Variants in MMD2 observed in about 807,000 individuals in gnomAD.
MMD2 encodes the protein monocyte to macrophage differentiation factor 2.
Under a neutral mutation model 33.5 loss-of-function variants are expected in MMD2, and 30 were observed. That is an observed-to-expected ratio of 0.90 (90% CI 0.67 to 1.22). The LOEUF is 1.22. Ranked by LOEUF, MMD2 falls within the 50% of genes most tolerant of loss-of-function variation. The pLI is 0.00. For synonymous variants in MMD2, 129 were observed against 123.0 expected, an observed-to-expected ratio of 1.05 and a Z score of -0.32; for missense variants, 364 against 325.4, an observed-to-expected ratio of 1.12 and a Z score of -0.91.
intron 1 of MMD2, among the ~76,000 whole-genome samples, chr7:4,928,813 C>T (rs79388569): frequency 2.4e-4 from 37 of 151,704 alleles, no homozygotes; most frequent in African/African-American, 8.0e-4. Context: ...GTGTTGGCTC[C>T]GTGCTAAGTA....
chr7:4,952,612 T>A (rs1180570920), intron 1 of MMD2, among the ~76,000 whole-genome samples: 1 of 152,044 alleles, frequency 6.6e-6, no homozygotes, highest in Non-Finnish European at 1.5e-5. Flanking sequence ...CTTTTTTTGT[T>A]TTTCAGATTC....
chr7:4,949,726 G>A (rs1786188486), intron 1 of MMD2, among the ~76,000 whole-genome samples: 1 of 151,956 alleles, frequency 6.6e-6, no homozygotes, highest in African/African-American at 2.4e-5. Context: ...TGGCCAGGAT[G>A]GTCTCGAACT....
intron 3 of MMD2, among the ~76,000 whole-genome samples, chr7:4,916,656 T>C (rs918933355): frequency 6.6e-6 from 1 of 152,134 alleles, no homozygotes; most frequent in Admixed American, 6.6e-5. Flanking sequence ...GTGCTGGGAT[T>C]ACAAGCGTGA....
chr7:4,934,078 C>T (rs535901388), intron 1 of MMD2, among the ~76,000 whole-genome samples: 14 of 152,118 alleles, frequency 9.2e-5, no homozygotes, highest in African/African-American at 2.9e-4. Context: ...TACAGGCATC[C>T]GCCACCACAC....
downstream of MMD2, among the ~76,000 whole-genome samples, chr7:4,904,862 G>T (rs1412319754): frequency 6.6e-6 from 1 of 152,206 alleles, no homozygotes; most frequent in Non-Finnish European, 1.5e-5. Flanking sequence ...GTAGCTGCAT[G>T]ATGAAGGATG....
intron 1 of MMD2, among the ~76,000 whole-genome samples, chr7:4,939,027 G>C (rs1016808425): frequency 6.6e-6 from 1 of 151,900 alleles, no homozygotes; most frequent in Non-Finnish European, 1.5e-5. Flanking sequence ...GGCCAACATG[G>C]TGAAACCCCA....
rs1241187273 is a variant in MMD2, at chr7:4,940,582, GC to G, written c.48-15051del. On this transcript the variant is annotated intron_variant, in intron 1 of 6. Coordinates refer to ENST00000401401, the MANE Select transcript of MMD2 (RefSeq NM_198403.4). The surrounding 1 kb of genome is among the most constrained non-coding windows in gnomAD (Gnocchi z 5.0). ...CTCTCCCCCTCTCCGCTTGGCCCTGGCCGCTTCTTTGTGTCCATTCATGAAT... is the reference window on the plus strand; with the variant it reads ...CTCTCCCCCTCTCCGCTTGGCCCTGGCGCTTCTTTGTGTCCATTCATGAAT... 6.6e-6 allele frequency among the ~76,000 whole-genome samples: 1 copy of G among 152,226 alleles called. No individual in the cohort carries two copies. The highest frequency in any genetic ancestry group is 2.4e-5 in the African/African-American group (1 of 41,458).
Position 4,907,883 on chromosome 7 carries a change from T to C in MMD2, c.538-284A>G, listed in dbSNP as rs147414796. ...GTGCAGTGGCACAAGCGTAGCTCAC[T>C]GTAGCCTCCAACTCCTGGGATGATC... is the stretch of plus-strand genomic sequence containing the variant. On this transcript the variant is annotated intron_variant, in intron 6 of 6. Coordinates refer to ENST00000401401, the MANE Select transcript of MMD2 (RefSeq NM_198403.4). 4.7e-3 allele frequency among the ~76,000 whole-genome samples: 709 copies of C among 152,308 alleles called. 9 individuals carry two copies. Among genetic ancestry groups the C allele is most frequent in the African/African-American group, 0.016 (672 of 41,572 alleles).
Position 4,915,887 on chromosome 7 carries a change from C to T in MMD2, c.365+118G>A, listed in dbSNP as rs1785129266. Reference sequence around the variant, plus strand: ...GGAAGGAAAAAAGGGTGGCGGGAAGCTTTTAACCTAACTCCTTTGTGCCAA... The same window carrying T: ...GGAAGGAAAAAAGGGTGGCGGGAAGTTTTTAACCTAACTCCTTTGTGCCAA... On this transcript the variant is annotated intron_variant, in intron 4 of 6. Transcript: ENST00000401401. 2.7e-5 allele frequency: 26 copies of T among 963,602 alleles called. No individual in the cohort carries two copies. In the South Asian group the frequency reaches 4.0e-4, roughly 15 times the overall value. The allele number at this position is 963,602 out of a possible 1,614,324, so 59.7% of individuals were successfully genotyped here.
In MMD2 at chr7:4,947,111, G is replaced by A. The variant is rs184269839; in HGVS notation, c.47+11860C>T. Reference sequence around the variant, plus strand: ...TAATCTCAGCTACTCCAGAGGCTGAGGCAGGAGAATCGCTTGAACTCGGGA... The same window carrying A: ...TAATCTCAGCTACTCCAGAGGCTGAAGCAGGAGAATCGCTTGAACTCGGGA... On this transcript the variant is annotated intron_variant, in intron 1 of 6. Transcript: ENST00000401401. Among the ~76,000 whole-genome samples the A allele has an allele frequency of 1.6e-3, 241 of 152,176 alleles. 1 individual carries two copies. The highest frequency in any genetic ancestry group is 5.4e-3 in the African/African-American group (225 of 41,540).
the MMD2 span, among the ~76,000 whole-genome samples, chr7:4,896,272 G>A: frequency 4.8e-3 from 727 of 152,236 alleles, 10 homozygotes; most frequent in African/African-American, 0.017. Flanking sequence ...CTGAGCTCAG[G>A]AGTTTGAGAC....
chr7:4,959,004 C>CG lies in MMD2; in HGVS notation c.13dup (p.Arg5ProfsTer30), dbSNP rs1261389981. ...TTTCGTCTTCTGGAAATCCAGCAGC[C>CG]GGGGGGCGAACATCGCGGCGCTTCC... On this transcript the variant is annotated frameshift_variant, in exon 1 of 7. Transcript: ENST00000401401. LOFTEE classifies it high-confidence loss of function. 24 of 1,273,878 alleles carry CG rather than the reference C, an allele frequency of 1.9e-5. 1 individual carries two copies. In the South Asian group the frequency reaches 2.1e-4, roughly 11 times the overall value. The allele number at this position is 1,273,878 out of a possible 1,614,324, so 78.9% of individuals were successfully genotyped here.
rs193113973 is a variant in MMD2, at chr7:4,928,928, G to T, written c.48-3396C>A. ...CCTTCTGTGTGCTGGCTCCACGCTA[G>T]TACAGACCTGGGGCATTGATTGAGC... On this transcript the variant is annotated intron_variant, in intron 1 of 6. Transcript: ENST00000401401. Among the ~76,000 whole-genome samples, 31 of 152,160 alleles carry T rather than the reference G, an allele frequency of 2.0e-4. No individual in the cohort carries two copies. The East Asian group carries it at 4.5e-3, about 22-fold the overall frequency.
At chr7:4,935,830 G>T (rs1402782206) in intron 1 of MMD2, among the ~76,000 whole-genome samples, 1 of 152,022 alleles carries the variant, frequency 6.6e-6, no homozygotes, top group Non-Finnish European at 1.5e-5. Flanking sequence ...ATTGGAGAAA[G>T]GATTCTCAAG....
chr7:4,928,311 G>A (rs901719527), intron 1 of MMD2, among the ~76,000 whole-genome samples: 6 of 152,160 alleles, frequency 3.9e-5, no homozygotes, highest in Admixed American at 6.6e-5. Context: ...GTATGCTGGC[G>A]TCATATCAGG....
At chr7:4,922,505 C>T (rs1171929776) in intron 2 of MMD2, among the ~76,000 whole-genome samples, 1 of 152,162 alleles carries the variant, frequency 6.6e-6, no homozygotes, top group Non-Finnish European at 1.5e-5. Flanking sequence ...ATCCATGCTA[C>T]TTCATAATTT....
chr7:4,933,110 T>A (rs936368719), intron 1 of MMD2, among the ~76,000 whole-genome samples: 17 of 151,774 alleles, frequency 1.1e-4, no homozygotes, highest in African/African-American at 4.1e-4. Context: ...GCACGGCAGC[T>A]CACGCCTGTA....
At position 4,925,503 on chromosome 7, in the gene MMD2, T is replaced by C. The variant is rs1785402252; in HGVS notation, c.77A>G (p.Lys26Arg). The change falls in exon 2 of 7, where the codon AAG (lysine) becomes AGG (arginine). Residue 26 changes from lysine to arginine, a missense_variant. Physicochemically the swap from Lys to Arg is conservative, Grantham distance 26. Transcript: ENST00000401401. ...RFMNHRVPAH[K>R]RYQPTEYEHA... is the part of the protein sequence containing the mutation. ...TTCATACTCTGTGGGCTGGTACCTCTTGTGGGCAGGGACTCGGTGGTTCAT... is the reference window on the plus strand; with the variant it reads ...TTCATACTCTGTGGGCTGGTACCTCCTGTGGGCAGGGACTCGGTGGTTCAT... The C allele has an allele frequency of 1.9e-6, 3 of 1,578,846 alleles. No homozygotes were observed. Among genetic ancestry groups the C allele is most frequent in the African/African-American group, 1.4e-5 (1 of 73,114 alleles).
At chr7:4,952,898 C>G (rs2011030) in intron 1 of MMD2, among the ~76,000 whole-genome samples, 1 of 151,826 alleles carries the variant, frequency 6.6e-6, no homozygotes, top group Non-Finnish European at 1.5e-5. Context: ...ACCACGCTGG[C>G]CAGGCTGGCT....
Sources: allele counts gnomAD v4.1 joint callset (sites outside exome capture counted in the v4.1 genomes callset), GRCh38; gene constraint gnomAD v4.1.1; non-coding constraint Gnocchi (gnomAD v3.1); transcripts MANE v1.5; gene names NCBI Gene and HGNC (gene_info 2026-07-23, HGNC 2026-07-21).